Variants in MOB3B observed in about 807,000 individuals in gnomAD.
MOB3B encodes the protein MOB kinase activator-like 2B.
In MOB3B, 7 loss-of-function variants were observed where a neutral mutation model predicts 18.7. The ratio of observed to expected loss-of-function variants is 0.37; its 90% CI spans 0.21 to 0.70. The LOEUF is 0.70. MOB3B is among the 30% of genes least tolerant of loss of function. The probability of loss-of-function intolerance (pLI) is 0.52; values close to 1 mark genes in which losing one functional copy is unlikely to be tolerated. For missense variants in MOB3B, 253 were observed against 281.3 expected (o/e 0.90, Z 0.72); for synonymous variants, 111 against 99.9 (o/e 1.11, Z -0.66).
intron 2 of MOB3B, among the ~76,000 whole-genome samples, chr9:27,417,924 T>A (rs1269530499): frequency 1.3e-5 from 2 of 151,110 alleles, no homozygotes; most frequent in Non-Finnish European, 3.0e-5. Context: ...TACAACTTGG[T>A]GTACTAAAAA....
At chr9:27,368,731 A>G (rs1161014364) in intron 2 of MOB3B, among the ~76,000 whole-genome samples, 1 of 152,138 alleles carries the variant, frequency 6.6e-6, no homozygotes, top group African/African-American at 2.4e-5. Flanking sequence ...AAAGACAAAC[A>G]GTGGTATGTG....
intron 2 of MOB3B, among the ~76,000 whole-genome samples, chr9:27,413,059 T>C (rs905765083): frequency 6.6e-6 from 1 of 152,216 alleles, no homozygotes; most frequent in Non-Finnish European, 1.5e-5. Context: ...ACATTAACAT[T>C]CCTATCTTCT....
intron 2 of MOB3B, among the ~76,000 whole-genome samples, chr9:27,436,037 C>A (rs572051279): frequency 1.3e-5 from 2 of 149,690 alleles, no homozygotes; most frequent in South Asian, 4.2e-4. Flanking sequence ...AGTTTTCTCA[C>A]GTCAGGACCT....
At chr9:27,389,820 T>G (rs1246138471) in intron 2 of MOB3B, among the ~76,000 whole-genome samples, 1 of 152,124 alleles carries the variant, frequency 6.6e-6, no homozygotes, top group East Asian at 1.9e-4. Flanking sequence ...ATATGTGGCA[T>G]ACAGCTCCCA....
At chr9:27,361,985 C>T (rs933159302) in intron 2 of MOB3B, among the ~76,000 whole-genome samples, 1 of 152,196 alleles carries the variant, frequency 6.6e-6, no homozygotes. Context: ...GCCCCCCTAC[C>T]CTCCACACTG....
Position 27,522,413 on chromosome 9 carries a change from AT to A in MOB3B, c.-199+7141del, listed in dbSNP as rs1180769373. 3.6e-5 allele frequency among the ~76,000 whole-genome samples: 3 copies of A among 84,120 alleles called. No individual in the cohort carries two copies. In the South Asian group the frequency reaches 1.2e-3, roughly 33 times the overall value. The allele number at this position is 84,120 out of a possible 152,430, so 55.2% of individuals were successfully genotyped here. ...AAAATTTTTGCATATATATCAAGAC[AT>A]TTTTTCATATATATATATATATATA... On this transcript the variant is annotated intron_variant, in intron 1 of 3. Transcript: ENST00000262244.
chr9:27,445,083 G>T (rs769174236), intron 2 of MOB3B, among the ~76,000 whole-genome samples: 14 of 152,162 alleles, frequency 9.2e-5, no homozygotes, highest in African/African-American at 3.4e-4. Context: ...AATGTGCAAA[G>T]GTACTGAAGG....
At chr9:27,399,785 T>A (rs767533839) in intron 2 of MOB3B, among the ~76,000 whole-genome samples, 1 of 152,168 alleles carries the variant, frequency 6.6e-6, no homozygotes, top group Non-Finnish European at 1.5e-5. Flanking sequence ...TGTATTAGCA[T>A]CTCAAATTTA....
intron 2 of MOB3B, among the ~76,000 whole-genome samples, chr9:27,422,992 T>A (rs1342269357): frequency 1.3e-5 from 2 of 152,198 alleles, no homozygotes; most frequent in Non-Finnish European, 2.9e-5. Flanking sequence ...ATTATCCCAA[T>A]AATAATGAGC....
chr9:27,523,472 A>AAAAG (rs1457997639), intron 1 of MOB3B, among the ~76,000 whole-genome samples: 47 of 152,166 alleles, frequency 3.1e-4, no homozygotes, highest in African/African-American at 1.0e-3. Flanking sequence ...ACCAAAAAAA[A>AAAAG]AAAAGAAAAG....
chr9:27,438,895 A>C (rs1477569628), intron 2 of MOB3B, among the ~76,000 whole-genome samples: 1 of 152,126 alleles, frequency 6.6e-6, no homozygotes, highest in African/African-American at 2.4e-5. Context: ...CCACCTCAGC[A>C]GCAAGTCCAG....
chr9:27,326,595 C>A lies in MOB3B; in HGVS notation c.*3992G>T. ...GTGAGAGGAGTATAGATTTTTTCAC[C>A]AAGGAAGTTACTGGCATGGTTTGAG... On this transcript the variant is annotated 3_prime_UTR_variant, in exon 4 of 4. Coordinates refer to ENST00000262244, the MANE Select transcript of MOB3B (RefSeq NM_024761.5). 2.5e-6 allele frequency: 1 copy of A among 398,340 alleles called. No homozygotes were observed. The highest frequency in any genetic ancestry group is 4.4e-6 in the Non-Finnish European group (1 of 225,980). 24.7% of individuals were successfully genotyped at this position (398,340 alleles called of 1,614,324 possible).
At chr9:27,393,526 G>A (rs540191889) in intron 2 of MOB3B, among the ~76,000 whole-genome samples, 1 of 152,194 alleles carries the variant, frequency 6.6e-6, no homozygotes, top group South Asian at 2.1e-4. Flanking sequence ...GTGTTCCCAA[G>A]GAGTTGTGCA....
intron 2 of MOB3B, among the ~76,000 whole-genome samples, chr9:27,386,377 G>A (rs1457470948): frequency 1.3e-5 from 2 of 152,192 alleles, no homozygotes; most frequent in Non-Finnish European, 2.9e-5. Context: ...CAAAGGAAAT[G>A]TTCAGTAACA....
At chr9:27,342,070 C>T (rs1039821264) in intron 3 of MOB3B, among the ~76,000 whole-genome samples, 1 of 152,098 alleles carries the variant, frequency 6.6e-6, no homozygotes, top group Non-Finnish European at 1.5e-5. Flanking sequence ...TAAGCCACAC[C>T]CATTTATGGA....
At chr9:27,364,088 G>A (rs1197922378) in intron 2 of MOB3B, among the ~76,000 whole-genome samples, 2 of 152,116 alleles carry the variant, frequency 1.3e-5, no homozygotes, top group African/African-American at 4.8e-5. Context: ...CTTGTGGAAG[G>A]AGCTCAAAAA....
At chr9:27,378,675 C>A (rs567636750) in intron 2 of MOB3B, 3 of 471,164 alleles carry the variant, frequency 6.4e-6, no homozygotes, top group South Asian at 1.5e-5. Context: ...TGACCCAGAA[C>A]CACACCTGGG....
chr9:27,412,772 T>C (rs1822090267), intron 2 of MOB3B, among the ~76,000 whole-genome samples: 2 of 152,218 alleles, frequency 1.3e-5, no homozygotes, highest in Admixed American at 1.3e-4. Context: ...ACAGTGACCG[T>C]GGTGGGTTAG....
At chr9:27,463,942 A>G (rs972207240) in intron 1 of MOB3B, among the ~76,000 whole-genome samples, 7 of 152,142 alleles carry the variant, frequency 4.6e-5, no homozygotes, top group African/African-American at 1.7e-4. Flanking sequence ...GGGCAGCAGC[A>G]TGAGACCCTG....
Sources: gnomAD v4.1 joint callset for allele counts (sites outside exome capture counted in the v4.1 genomes callset) on GRCh38, gnomAD v4.1.1 for gene constraint, MANE v1.5 for transcripts, NCBI Gene and HGNC (gene_info 2026-07-23, HGNC 2026-07-21) for gene names.